The following PCDHA8 variants were observed in gnomAD, a reference collection of about 807,000 sequenced individuals.
PCDHA8 encodes the protein protocadherin alpha-8.
PCDHA8 carries 53 observed loss-of-function variants against 61.8 expected under a neutral mutation model. The ratio of observed to expected loss-of-function variants is 0.86; its 90% CI spans 0.69 to 1.08. PCDHA8 has a LOEUF of 1.08. Ranked by LOEUF, PCDHA8 falls within the 50% of genes least tolerant of loss-of-function variation. The probability of loss-of-function intolerance (pLI) is 0.00; values close to 1 mark genes in which losing one functional copy is unlikely to be tolerated. For missense variants in PCDHA8, 1,293 were observed against 1,245.0 expected, an observed-to-expected ratio of 1.04 and a Z score of -0.58; for synonymous variants, 618 against 556.6, an observed-to-expected ratio of 1.11 and a Z score of -1.55.
chr5:140,883,817 G>A, intron 1 of PCDHA8: 1 of 1,612,636 alleles, frequency 6.2e-7, no homozygotes, highest in Non-Finnish European at 8.5e-7. Context: ...GAGCGGCAAG[G>A]TGTACGCGCT....
intron 1 of PCDHA8, among the ~76,000 whole-genome samples, chr5:140,970,714 A>C (rs1554232672): frequency 6.6e-6 from 1 of 152,220 alleles, no homozygotes; most frequent in Non-Finnish European, 1.5e-5. Flanking sequence ...CAATGTGTGA[A>C]CAATATTTGT....
chr5:140,955,030 A>T (rs1453200706), intron 1 of PCDHA8, among the ~76,000 whole-genome samples: 2 of 152,312 alleles, frequency 1.3e-5, no homozygotes, highest in African/African-American at 4.8e-5. Context: ...TTAAATAGGG[A>T]ATCTTTTCCT....
intron 1 of PCDHA8, among the ~76,000 whole-genome samples, chr5:140,964,713 A>C (rs2095850699): frequency 6.6e-6 from 1 of 152,070 alleles, no homozygotes; most frequent in South Asian, 2.1e-4. Flanking sequence ...TCCGAGATCA[A>C]ATTACCACAG....
chr5:140,994,377 G>T (rs1260163825), intron 3 of PCDHA8, among the ~76,000 whole-genome samples: 3 of 152,098 alleles, frequency 2.0e-5, no homozygotes, highest in Non-Finnish European at 4.4e-5. Context: ...GGAAATTCAG[G>T]GGACTAAGTC....
intron 1 of PCDHA8, chr5:140,849,716 G>A (rs2150446385): frequency 1.3e-6 from 2 of 1,598,596 alleles, no homozygotes; most frequent in Non-Finnish European, 1.7e-6. Flanking sequence ...ACTACTCGTT[G>A]GTGCTGGACA....
intron 1 of PCDHA8, among the ~76,000 whole-genome samples, chr5:140,901,961 C>T (rs62384485): frequency 2.0e-5 from 3 of 151,946 alleles, no homozygotes; most frequent in Non-Finnish European, 2.9e-5. Flanking sequence ...TCGTGGCTAT[C>T]GTAAATGGGA....
At chr5:141,001,726 T>G (rs2098034769) in intron 3 of PCDHA8, among the ~76,000 whole-genome samples, 1 of 152,116 alleles carries the variant, frequency 6.6e-6, no homozygotes, top group Admixed American at 6.6e-5. Flanking sequence ...GCTTGAGATA[T>G]TTTACAACCT....
At position 140,870,724 on chromosome 5, in the gene PCDHA8, G is replaced by T. The variant is rs140203389; in HGVS notation, c.2394+27009G>T. 8.1e-4 allele frequency: 1,312 copies of T among 1,613,160 alleles called. 10 individuals carry two copies. In the African/African-American group the frequency reaches 0.014, roughly 18 times the overall value. On this transcript the variant is annotated intron_variant, in intron 1 of 3. Coordinates refer to ENST00000531613, the MANE Select transcript of PCDHA8 (RefSeq NM_018911.3). ...CCAGGTGAGCGCGCGCGATGCGGGC[G>T]TGCCGCCTCTGAGCAGCAACGTGAC...
chr5:140,871,158 C>G (rs2052764728), intron 1 of PCDHA8: 20 of 1,613,444 alleles, frequency 1.2e-5, no homozygotes, highest in Non-Finnish European at 1.6e-5. Flanking sequence ...TGGCGGGCGC[C>G]GCGAGCCCAG....
rs532145972 is a variant in PCDHA8 at position 140,957,602 on chromosome 5, C to T, written c.2395-21347C>T. On this transcript the variant is annotated intron_variant, in intron 1 of 3. Transcript: ENST00000531613. Reference sequence around the variant, plus strand: ...TTAACAAAGCACTTCCCAGAATAAACACACAGACATATACATGCACACACT... The same window carrying T: ...TTAACAAAGCACTTCCCAGAATAAATACACAGACATATACATGCACACACT... 3.3e-5 allele frequency among the ~76,000 whole-genome samples: 5 copies of T among 152,174 alleles called. No homozygotes were observed. In the East Asian group the frequency reaches 9.6e-4, roughly 29 times the overall value.
intron 1 of PCDHA8, chr5:140,968,462 A>G: frequency 6.2e-7 from 1 of 1,614,104 alleles, no homozygotes; most frequent in African/African-American, 1.3e-5. Flanking sequence ...TGTGACTGCC[A>G]ACGTATATGT....
At chr5:140,877,304 T>C in intron 1 of PCDHA8, 3 of 1,613,926 alleles carry the variant, frequency 1.9e-6, no homozygotes, top group Non-Finnish European at 2.5e-6. Context: ...TCCTACGAGT[T>C]GCAACCGGCG....
Position 140,889,101 on chromosome 5 carries a change from T to C in PCDHA8, c.2394+45386T>C, listed in dbSNP as rs115792966. On this transcript the variant is annotated intron_variant, in intron 1 of 3. Transcript: ENST00000531613. ...TTAAATTTTCAAAACAATTTTTTCA[T>C]CTTTATTCCAGGTGATACTGATATG... Among the ~76,000 whole-genome samples the C allele has an allele frequency of 7.5e-3, 1,145 of 152,066 alleles. 15 individuals carry two copies. Among genetic ancestry groups the C allele is most frequent in the African/African-American group, 0.026 (1,085 of 41,518 alleles).
intron 1 of PCDHA8, among the ~76,000 whole-genome samples, chr5:140,976,160 T>A (rs1554237376): frequency 6.6e-6 from 1 of 152,196 alleles, no homozygotes; most frequent in Admixed American, 6.5e-5. Context: ...TTTTACTACT[T>A]TTAGTTTTGT....
At position 140,851,668 on chromosome 5, in the gene PCDHA8, G is replaced by A. The variant is rs550292349; in HGVS notation, c.2394+7953G>A. 14 of 914,874 alleles carry A rather than the reference G, an allele frequency of 1.5e-5. 2 individuals carry two copies. Among genetic ancestry groups the A allele is most frequent in the Non-Finnish European group, 1.9e-5 (14 of 751,922 alleles). 56.7% of individuals were successfully genotyped at this position (914,874 alleles called of 1,614,324 possible). A position where few individuals can be genotyped will look rare whatever the true frequency, so the allele number is the denominator to read the frequency against. ...TCAAGAAGACATTCTCCTTTTAATT[G>A]AAATTTTCTCCATTCAGTGATAAAA... On this transcript the variant is annotated intron_variant, in intron 1 of 3. Coordinates refer to ENST00000531613, the MANE Select transcript of PCDHA8 (RefSeq NM_018911.3).
chr5:140,967,548 C>G (rs782750678), intron 1 of PCDHA8: 1 of 1,613,922 alleles, frequency 6.2e-7, no homozygotes, highest in Admixed American at 1.7e-5. Flanking sequence ...GACCAGTCCA[C>G]TTATCGCGTC....
rs2042521817 is a variant in PCDHA8, at chr5:140,852,899, GTC to G, written c.2394+9185_2394+9186del. 441 of 840,720 alleles carry G rather than the reference GTC, an allele frequency of 5.2e-4. 11 individuals are homozygous for G. In the South Asian group the frequency reaches 0.021, roughly 39 times the overall value. The allele number at this position is 840,720 out of a possible 1,614,324, so 52.1% of individuals were successfully genotyped here. A position where few individuals can be genotyped will look rare whatever the true frequency, so the allele number is the denominator to read the frequency against. On this transcript the variant is annotated intron_variant, in intron 1 of 3. Coordinates refer to ENST00000531613, the MANE Select transcript of PCDHA8 (RefSeq NM_018911.3). ...TCATAAAACGTATTTTTTTTTTTGAGTCAGAGTCTCGCTCTGTTGCCCAGGCT... is the reference window on the plus strand; with the variant it reads ...TCATAAAACGTATTTTTTTTTTTGAGAGAGTCTCGCTCTGTTGCCCAGGCT...
chr5:140,975,522 G>A (rs2096670563), intron 1 of PCDHA8, among the ~76,000 whole-genome samples: 1 of 152,128 alleles, frequency 6.6e-6, no homozygotes, highest in African/African-American at 2.4e-5. Context: ...ATCTGCAGTG[G>A]ATATATTCTT....
intron 1 of PCDHA8, among the ~76,000 whole-genome samples, chr5:140,908,466 C>T (rs2073988233): frequency 6.6e-6 from 1 of 152,134 alleles, no homozygotes. Flanking sequence ...TCAGAAAGCA[C>T]CCAGTTCATG....
Sources: gnomAD v4.1 joint callset for allele counts (sites outside exome capture counted in the v4.1 genomes callset) on GRCh38, gnomAD v4.1.1 for gene constraint, MANE v1.5 for transcripts, NCBI Gene and HGNC (gene_info 2026-07-23, HGNC 2026-07-21) for gene names.